Variants in DCT observed in about 807,000 individuals in gnomAD.
The protein encoded by DCT is L-dopachrome tautomerase.
DCT carries 47 observed loss-of-function variants against 53.0 expected under a neutral mutation model. That is an observed-to-expected ratio of 0.89 (90% CI 0.70 to 1.13). The LOEUF (loss-of-function observed/expected upper bound fraction) is 1.13. Ranked by LOEUF, DCT falls within the 50% of genes most tolerant of loss-of-function variation. The pLI is 0.00. For synonymous variants in DCT, 244 were observed against 237.0 expected (o/e 1.03, Z -0.27); for missense variants, 669 against 637.4 (o/e 1.05, Z -0.53).
the DCT span, among the ~76,000 whole-genome samples, chr13:94,521,961 T>C: frequency 6.6e-6 from 1 of 152,258 alleles, no homozygotes; most frequent in Non-Finnish European, 1.5e-5. Flanking sequence ...TTACCTATTC[T>C]GGACATTTCA....
At chr13:94,535,039 G>C in the DCT span, among the ~76,000 whole-genome samples, 1 of 152,214 alleles carries the variant, frequency 6.6e-6, no homozygotes, top group African/African-American at 2.4e-5. Context: ...CACTGCACCT[G>C]GCCCAAATGA....
chr13:94,519,210 T>A, the DCT span, among the ~76,000 whole-genome samples: 1 of 152,202 alleles, frequency 6.6e-6, no homozygotes, highest in Non-Finnish European at 1.5e-5. Context: ...TGTGAACTAC[T>A]TGGGTAGTTA....
the DCT span, among the ~76,000 whole-genome samples, chr13:94,513,987 CAAA>C: frequency 0.016 from 826 of 53,142 alleles, 11 homozygotes; most frequent in African/African-American, 0.058. Context: ...AACTCTGTCT[CAAA>C]AAAAAAAAAA....
Position 94,469,037 on chromosome 13 carries a change from C to T in DCT, c.304G>A (p.Ala102Thr). The change falls in exon 2 of 8, where the codon GCC (alanine) becomes ACC (threonine). Residue 102 changes from alanine to threonine, a missense_variant. Ala to Thr is a moderately conservative substitution (Grantham distance 58, BLOSUM62 0). Transcript: ENST00000377028. ...TTGCAGTCTCCACAATTATAGCCGG[C>T]AAAGTTTCCTAGTTCACAAAACAGA... ...HRTCKCTGNF[A>T]GYNCGDCKFG... The T allele has an allele frequency of 6.2e-7, 1 of 1,611,426 alleles. No homozygotes were observed. The highest frequency in any genetic ancestry group is 8.5e-7 in the Non-Finnish European group (1 of 1,177,760).
chr13:94,496,004 T>G, the DCT span, among the ~76,000 whole-genome samples: 3 of 152,138 alleles, frequency 2.0e-5, no homozygotes, highest in Non-Finnish European at 4.4e-5. Flanking sequence ...CGTTGCCAAT[T>G]GACTCTTCTC....
At chr13:94,460,985 G>C (rs1287973010) in intron 5 of DCT, among the ~76,000 whole-genome samples, 2 of 152,224 alleles carry the variant, frequency 1.3e-5, no homozygotes, top group Non-Finnish European at 2.9e-5. Context: ...CAAATGTAGA[G>C]GTTGTGCTAA....
chr13:94,512,349 A>G, the DCT span, among the ~76,000 whole-genome samples: 1 of 152,234 alleles, frequency 6.6e-6, no homozygotes, highest in African/African-American at 2.4e-5. Flanking sequence ...CAGATTCTCT[A>G]ATCTAAAGAA....
chr13:94,528,606 C>T, the DCT span, among the ~76,000 whole-genome samples: 4 of 152,144 alleles, frequency 2.6e-5, no homozygotes, highest in African/African-American at 7.2e-5. Flanking sequence ...ATTTTGTCAC[C>T]ACCAGGCCTG....
In DCT at chr13:94,464,769, G is replaced by A. The variant is rs183343219; in HGVS notation, c.863+864C>T. ...TGTGTTCCAGGTGTTCCAGGACAGA[G>A]AAACAAATTCAAGGAGCCTTTGAGG... On this transcript the variant is annotated intron_variant, in intron 4 of 7. Coordinates refer to ENST00000377028, the MANE Select transcript of DCT (RefSeq NM_001922.5). 8.6e-4 allele frequency among the ~76,000 whole-genome samples: 131 copies of A among 152,276 alleles called. No homozygotes were observed. In the Middle Eastern group the frequency reaches 0.01, roughly 12 times the overall value.
At chr13:94,522,704 A>T in the DCT span, among the ~76,000 whole-genome samples, 2 of 152,192 alleles carry the variant, frequency 1.3e-5, no homozygotes, top group African/African-American at 4.8e-5. Flanking sequence ...ACATGATTTC[A>T]TTTGAACATG....
chr13:94,458,763 C>T (rs956993927), intron 6 of DCT, among the ~76,000 whole-genome samples: 2 of 152,128 alleles, frequency 1.3e-5, no homozygotes, highest in Non-Finnish European at 2.9e-5. Context: ...GATAGCACCA[C>T]TGCACTCCAG....
chr13:94,471,505 T>C (rs1355224812), intron 1 of DCT, among the ~76,000 whole-genome samples: 2 of 152,216 alleles, frequency 1.3e-5, no homozygotes, highest in East Asian at 1.9e-4. Context: ...AAACTATTTA[T>C]TTAACAAATA....
the DCT span, among the ~76,000 whole-genome samples, chr13:94,539,053 G>T: frequency 2.0e-5 from 3 of 152,168 alleles, no homozygotes; most frequent in Non-Finnish European, 2.9e-5. Flanking sequence ...CATTTCCAAA[G>T]AACTCCAATA....
Position 94,460,088 on chromosome 13 carries a change from T to C in DCT, c.1179+3A>G, listed in dbSNP as rs1435177557. ...TTCATGCATTCTGAATCTTTGAACATACCACAAAAATGGGATCATTGGCGG... is the reference window on the plus strand; with the variant it reads ...TTCATGCATTCTGAATCTTTGAACACACCACAAAAATGGGATCATTGGCGG... On this transcript the variant is annotated splice_donor_region_variant and intron_variant, in intron 6 of 7. Transcript: ENST00000377028. 2.5e-6 allele frequency: 4 copies of C among 1,613,636 alleles called. No individual in the cohort carries two copies. Among genetic ancestry groups the C allele is most frequent in the African/African-American group, 2.7e-5 (2 of 74,918 alleles).
At chr13:94,507,503 CT>C in the DCT span, among the ~76,000 whole-genome samples, 256 of 140,168 alleles carry the variant, frequency 1.8e-3, no homozygotes, top group Middle Eastern at 3.7e-3. Flanking sequence ...GGTATATTGA[CT>C]TTTTTTTTTT....
chr13:94,465,879 T>C (rs1050478191), intron 3 of DCT, 80 bp from the exon 4 acceptor site: 2 of 1,189,666 alleles, frequency 1.7e-6, no homozygotes, highest in South Asian at 1.6e-5. Flanking sequence ...AAGGCTGATA[T>C]GTATCTGAAC....
chr13:94,450,395 A>G (rs1882999730), intron 6 of DCT, among the ~76,000 whole-genome samples: 1 of 152,186 alleles, frequency 6.6e-6, no homozygotes, highest in African/African-American at 2.4e-5. Flanking sequence ...TTCTCTCCCT[A>G]TATTTCCCTA....
chr13:94,454,895 G>A (rs566660457), intron 6 of DCT, among the ~76,000 whole-genome samples: 1 of 152,108 alleles, frequency 6.6e-6, no homozygotes, highest in Non-Finnish European at 1.5e-5. Context: ...TTAAAGAAAC[G>A]CTGTGGCTTT....
chr13:94,505,369 C>T, the DCT span, among the ~76,000 whole-genome samples: 1 of 152,126 alleles, frequency 6.6e-6, no homozygotes, highest in South Asian at 2.1e-4. Context: ...CCAGATTAGA[C>T]ACCATAGTCC....
Sources: allele counts gnomAD v4.1 joint callset (sites outside exome capture counted in the v4.1 genomes callset), GRCh38; gene constraint gnomAD v4.1.1; transcripts MANE v1.5; gene names NCBI Gene and HGNC (gene_info 2026-07-23, HGNC 2026-07-21).